The following ANO6 variants were observed in gnomAD, a reference collection of about 807,000 sequenced individuals.
The protein encoded by ANO6 is anoctamin 6, also known as anoctamin-6.
ANO6 carries 106 observed loss-of-function variants against 117.5 expected under a neutral mutation model. The observed-to-expected ratio is 0.90, with a 90% CI of 0.77 to 1.06. ANO6 has a LOEUF of 1.06. ANO6 is among the 50% of genes least tolerant of loss of function. The pLI is 0.00. For missense variants in ANO6, 955 were observed against 1,121.1 expected, an observed-to-expected ratio of 0.85 and a Z score of 2.12; for synonymous variants, 367 against 385.1, an observed-to-expected ratio of 0.95 and a Z score of 0.55.
In ANO6 at chr12:45,409,522, C is replaced by T. The variant is rs781182981; in HGVS notation, c.2011+35C>T. On this transcript the variant is annotated intron_variant, in intron 16 of 19. Transcript: ENST00000320560. ...TAGTGAAGTTTTTAGTGATATAAAACATGTTAGAGTATGTTGTGGATACCA... is the reference window on the plus strand; with the variant it reads ...TAGTGAAGTTTTTAGTGATATAAAATATGTTAGAGTATGTTGTGGATACCA... 1.3e-5 allele frequency: 21 copies of T among 1,604,754 alleles called. No individual in the cohort carries two copies. In the Admixed American group the frequency reaches 1.5e-4, roughly 11 times the overall value.
chr12:45,367,801 T>C lies in ANO6; in HGVS notation c.1104+8T>C. The C allele has an allele frequency of 6.2e-7, 1 of 1,604,504 alleles. No homozygotes were observed. Among genetic ancestry groups the C allele is most frequent in the South Asian group, 1.1e-5 (1 of 90,900 alleles). On this transcript the variant is annotated splice_region_variant and intron_variant, in intron 9 of 19. Coordinates refer to ENST00000320560, the MANE Select transcript of ANO6 (RefSeq NM_001025356.3). Reference sequence around the variant, plus strand: ...ACTTGCGAGTCCTCAAAGGTAATTTTTGCTATTGCCAATATTTACACCTAA... The same window carrying C: ...ACTTGCGAGTCCTCAAAGGTAATTTCTGCTATTGCCAATATTTACACCTAA...
At chr12:45,246,211 A>C (rs181970903) in intron 1 of ANO6, among the ~76,000 whole-genome samples, 79 of 152,298 alleles carry the variant, frequency 5.2e-4, no homozygotes, top group Admixed American at 2.4e-3. Flanking sequence ...ATAAAAATGA[A>C]TATATTCATT....
chr12:45,220,310 G>T (rs1307793873), intron 1 of ANO6, among the ~76,000 whole-genome samples: 1 of 119,342 alleles, frequency 8.4e-6, no homozygotes, highest in Non-Finnish European at 1.7e-5. Context: ...TAATGGTCAT[G>T]TATGTCATTG....
intron 1 of ANO6, chr12:45,256,431 AT>A (rs2137199967): frequency 6.6e-6 from 1 of 152,232 alleles, no homozygotes; most frequent in East Asian, 1.9e-4. Flanking sequence ...CATTTATTTG[AT>A]TGTTACTACT....
intron 1 of ANO6, among the ~76,000 whole-genome samples, chr12:45,247,253 C>A (rs547798928): frequency 6.6e-6 from 1 of 152,252 alleles, no homozygotes; most frequent in African/African-American, 2.4e-5. Flanking sequence ...TAATGAAATT[C>A]ATCACTTCAG....
At chr12:45,225,375 C>T (rs931912592) in intron 1 of ANO6, among the ~76,000 whole-genome samples, 1 of 152,136 alleles carries the variant, frequency 6.6e-6, no homozygotes, top group Admixed American at 6.6e-5. Context: ...TAACCAAAAA[C>T]ACTCGTCTTG....
chr12:45,216,500 C>T (rs1443762071), intron 1 of ANO6, 109 bp downstream of exon 1: 7 of 1,235,896 alleles, frequency 5.7e-6, no homozygotes, highest in African/African-American at 1.5e-5. Context: ...TTGGCCGAGA[C>T]GCTCGGCCGC....
At chr12:45,310,946 A>G (rs1354502963) in intron 2 of ANO6, among the ~76,000 whole-genome samples, 1 of 152,100 alleles carries the variant, frequency 6.6e-6, no homozygotes, top group African/African-American at 2.4e-5. Flanking sequence ...TGAATATTAG[A>G]AAAAAGGTCA....
At chr12:45,244,753 G>C (rs902886069) in intron 1 of ANO6, among the ~76,000 whole-genome samples, 1 of 152,122 alleles carries the variant, frequency 6.6e-6, no homozygotes, top group Non-Finnish European at 1.5e-5. Flanking sequence ...AGGTTTGCCT[G>C]CTTTAAAATG....
chr12:45,396,197 A>G (rs1384993535), intron 12 of ANO6, among the ~76,000 whole-genome samples: 1 of 152,210 alleles, frequency 6.6e-6, no homozygotes, highest in Non-Finnish European at 1.5e-5. Context: ...ATACACCATT[A>G]GGAGACAAAC....
intron 13 of ANO6, among the ~76,000 whole-genome samples, chr12:45,402,853 C>A (rs1014450658): frequency 6.6e-6 from 1 of 152,074 alleles, no homozygotes; most frequent in African/African-American, 2.4e-5. Flanking sequence ...AACATGTGGG[C>A]TATTGTATTC....
At chr12:45,319,643 G>A (rs1280975802) in intron 2 of ANO6, among the ~76,000 whole-genome samples, 3 of 152,172 alleles carry the variant, frequency 2.0e-5, no homozygotes, top group Non-Finnish European at 2.9e-5. Flanking sequence ...AAATGAGTTA[G>A]GGAGGATTCC....
chr12:45,439,647 C>CT (rs34144696), intron 19 of ANO6: 72,942 of 1,125,274 alleles, frequency 0.065, 214 homozygotes, highest in Non-Finnish European at 0.071. Context: ...GATTTAATTG[C>CT]TTTTTTTTTT....
At position 45,390,518 on chromosome 12, in the gene ANO6, G is replaced by A; in HGVS notation, c.1386+20G>A. 6.3e-7 allele frequency: 1 copy of A among 1,599,196 alleles called. No individual in the cohort carries two copies. Among genetic ancestry groups the A allele is most frequent in the Non-Finnish European group, 8.6e-7 (1 of 1,167,018 alleles). The stretch of plus-strand genomic sequence containing the variant: ...TTCTGGGTAATTCTATCACAAAAAT[G>A]TTTTGAATGATTAAAAATGTTTTTA... On this transcript the variant is annotated intron_variant, in intron 12 of 19. Coordinates refer to ENST00000320560, the MANE Select transcript of ANO6 (RefSeq NM_001025356.3).
At chr12:45,395,354 C>T (rs142771752) in intron 12 of ANO6, among the ~76,000 whole-genome samples, 1,668 of 152,214 alleles carry the variant, frequency 0.011, 20 homozygotes, top group Admixed American at 0.019. Context: ...AATTAATAGC[C>T]TACCAACCAA....
At chr12:45,326,412 T>C (rs1940467985) in intron 2 of ANO6, among the ~76,000 whole-genome samples, 1 of 152,182 alleles carries the variant, frequency 6.6e-6, no homozygotes, top group Admixed American at 6.5e-5. Context: ...CAATAATAAG[T>C]AGTATGTTTT....
chr12:45,345,258 G>A (rs539412665), intron 3 of ANO6, among the ~76,000 whole-genome samples: 102 of 152,238 alleles, frequency 6.7e-4, no homozygotes, highest in Non-Finnish European at 1.3e-3. Flanking sequence ...ATTCCACTTG[G>A]ACTCAAATGT....
chr12:45,259,904 C>CA (rs1470425272), intron 1 of ANO6, among the ~76,000 whole-genome samples: 1 of 152,242 alleles, frequency 6.6e-6, no homozygotes, highest in Non-Finnish European at 1.5e-5. Flanking sequence ...ACTAGCCTCC[C>CA]ACAGGCACTG....
At chr12:45,363,117 A>AT (rs915125684) in intron 8 of ANO6, among the ~76,000 whole-genome samples, 11 of 151,758 alleles carry the variant, frequency 7.2e-5, no homozygotes, top group Admixed American at 2.6e-4. Flanking sequence ...CAGATTTCAG[A>AT]TTTTTTTCAG....
Sources: allele counts gnomAD v4.1 joint callset (sites outside exome capture counted in the v4.1 genomes callset), GRCh38; gene constraint gnomAD v4.1.1; transcripts MANE v1.5; gene names NCBI Gene and HGNC (gene_info 2026-07-23, HGNC 2026-07-21).